The following PHF21B variants were observed in gnomAD, a reference collection of about 807,000 sequenced individuals.
The protein encoded by PHF21B is PHD finger protein 4.
In PHF21B, 22 loss-of-function variants were observed where a neutral mutation model predicts 62.2. The ratio of observed to expected loss-of-function variants is 0.35; its 90% CI spans 0.25 to 0.51. The LOEUF is 0.51. PHF21B is among the 20% of genes least tolerant of loss of function. The pLI is 0.97. For missense variants in PHF21B, 701 were observed against 707.9 expected, an observed-to-expected ratio of 0.99 and a Z score of 0.11; for synonymous variants, 341 against 314.7, an observed-to-expected ratio of 1.08 and a Z score of -0.88.
intron 5 of PHF21B, among the ~76,000 whole-genome samples, chr22:44,909,632 T>C (rs2071310951): frequency 6.6e-6 from 1 of 152,236 alleles, no homozygotes; most frequent in Non-Finnish European, 1.5e-5. Flanking sequence ...ATTCAGGCCC[T>C]CCAGGACCAG....
chr22:44,963,156 C>G (rs2072458368), intron 2 of PHF21B, among the ~76,000 whole-genome samples: 1 of 152,232 alleles, frequency 6.6e-6, no homozygotes, highest in Non-Finnish European at 1.5e-5. Flanking sequence ...GACATGGACT[C>G]CCTGCTCTCC....
At chr22:44,978,884 ACT>A (rs1375851801) in intron 2 of PHF21B, among the ~76,000 whole-genome samples, 2 of 152,042 alleles carry the variant, frequency 1.3e-5, no homozygotes, top group African/African-American at 2.4e-5. Context: ...TGCTGTGTAG[ACT>A]CTGCGTGCAG....
rs576705189 is a variant in PHF21B at position 44,993,625 on chromosome 22, G to A, written c.120+14920C>T. ...TCCCCATCACAGGCTTGGAGACAGC[G>A]GCCTTCATTTTAGCCACTTCACAGA... is the stretch of plus-strand genomic sequence containing the variant. On this transcript the variant is annotated intron_variant, in intron 2 of 12. Coordinates refer to ENST00000313237, the MANE Select transcript of PHF21B (RefSeq NM_138415.5). Among the ~76,000 whole-genome samples the A allele has an allele frequency of 3.3e-5, 5 of 152,326 alleles. No individual in the cohort carries two copies. In the East Asian group the frequency reaches 7.7e-4, roughly 24 times the overall value.
At chr22:44,948,939 G>A (rs1029866205) in intron 2 of PHF21B, among the ~76,000 whole-genome samples, 40 of 152,352 alleles carry the variant, frequency 2.6e-4, no homozygotes, top group African/African-American at 8.9e-4. Context: ...CCACAAATGG[G>A]TCACAGATCC....
intron 1 of PHF21B, 75 bp from the exon 2 acceptor site, chr22:45,008,685 A>AC (rs905360543): frequency 3.2e-5 from 37 of 1,155,916 alleles, no homozygotes; most frequent in Admixed American, 2.9e-4. Flanking sequence ...GGGCCGCGGC[A>AC]CCCCCCGCCC....
In PHF21B at chr22:44,981,446, C is replaced by A. The variant is rs575575483; in HGVS notation, c.120+27099G>T. 2.2e-3 allele frequency among the ~76,000 whole-genome samples: 339 copies of A among 152,300 alleles called. 4 individuals carry two copies. The highest frequency in any genetic ancestry group is 8.0e-3 in the African/African-American group (331 of 41,560). ...TGGCTATGGTCTTGAAGGTGGGGAC[C>A]CTGTGCTGTCATGAACCCAGCACCT... On this transcript the variant is annotated intron_variant, in intron 2 of 12. Coordinates refer to ENST00000313237, the MANE Select transcript of PHF21B (RefSeq NM_138415.5).
rs114043304 is a variant in PHF21B at position 44,920,488 on chromosome 22, A to G, written c.123T>C (p.Ala41=). Residue 41 remains alanine (A), a splice_region_variant and synonymous_variant, in exon 3 of 13, where the codon GCT becomes GCC. Coordinates refer to ENST00000313237, the MANE Select transcript of PHF21B (RefSeq NM_138415.5). ...CAGGCACTGCAGTGATCGTTCCCAA[A>G]GCCTGAAACATACAGGAGGGCAACG... ...PRIAALSDKQ[A]LGTITAVPVT... 1.8e-5 allele frequency: 29 copies of G among 1,609,362 alleles called. No individual in the cohort carries two copies. Among genetic ancestry groups the G allele is most frequent in the Middle Eastern group, 3.3e-4 (2 of 6,048 alleles).
rs181803303 is a variant in PHF21B, at chr22:44,883,631, G to A, written c.1378-327C>T. On this transcript the variant is annotated intron_variant, in intron 12 of 12. Transcript: ENST00000313237. ...CTGCTGGCCAAACTGCAGCAGCCTCGGAGGCCTTTGGCTTCCCAGTCGCCT... is the reference window on the plus strand; with the variant it reads ...CTGCTGGCCAAACTGCAGCAGCCTCAGAGGCCTTTGGCTTCCCAGTCGCCT... Among the ~76,000 whole-genome samples the A allele has an allele frequency of 1.6e-4, 25 of 152,174 alleles. No individual in the cohort carries two copies. In the East Asian group the frequency reaches 2.7e-3, roughly 17 times the overall value.
chr22:44,967,904 T>C (rs2147439339), intron 2 of PHF21B, among the ~76,000 whole-genome samples: 1 of 152,298 alleles, frequency 6.6e-6, no homozygotes, highest in Admixed American at 6.5e-5. Flanking sequence ...AATGTCCTCT[T>C]AGTGGGATGT....
intron 2 of PHF21B, among the ~76,000 whole-genome samples, chr22:44,954,511 G>A (rs1237448302): frequency 6.6e-6 from 1 of 152,238 alleles, no homozygotes; most frequent in Non-Finnish European, 1.5e-5. Context: ...AGCTGGACCC[G>A]GCACTAGCCG....
At chr22:44,885,294 C>T (rs2070836258) in intron 12 of PHF21B, 132 bp downstream of exon 12, 1 of 800,578 alleles carries the variant, frequency 1.2e-6, no homozygotes, top group Admixed American at 2.9e-5. Flanking sequence ...CCACCAGGCC[C>T]TGGCTCCTTC....
At chr22:44,943,230 C>T (rs961500) in intron 2 of PHF21B, among the ~76,000 whole-genome samples, 17,783 of 152,116 alleles carry the variant, frequency 0.12, 1,751 homozygotes, top group East Asian at 0.35. Flanking sequence ...TCCCTGAGCC[C>T]GTCCCCAGGA....
At chr22:44,980,808 C>T (rs1352886837) in intron 2 of PHF21B, among the ~76,000 whole-genome samples, 1 of 152,188 alleles carries the variant, frequency 6.6e-6, no homozygotes, top group African/African-American at 2.4e-5. Context: ...AGCCCCTTCA[C>T]AAGGGTAACA....
Position 44,887,993 on chromosome 22 carries a change from G to A in PHF21B, c.1167C>T (p.Gly389=), listed in dbSNP as rs773819642. ...LEPPLKTAPK[G]VWVCPRCQQK... is the part of the protein sequence containing the mutation. Reference sequence around the variant, plus strand: ...GCTGGCACCTGGGGCACACCCACACGCCCTTGGGCGCCGTCTTGAGGGGCG... The same window carrying A: ...GCTGGCACCTGGGGCACACCCACACACCCTTGGGCGCCGTCTTGAGGGGCG... The change falls in exon 10 of 13, where the codon GGC becomes GGT. Residue 389 remains glycine, a synonymous_variant. Transcript: ENST00000313237. The A allele has an allele frequency of 1.0e-5, 16 of 1,563,160 alleles. No individual in the cohort carries two copies. The highest frequency in any genetic ancestry group is 2.0e-4 in the Middle Eastern group (1 of 4,914).
intron 5 of PHF21B, among the ~76,000 whole-genome samples, chr22:44,907,478 G>T (rs755847012): frequency 6.6e-6 from 1 of 152,196 alleles, no homozygotes; most frequent in Non-Finnish European, 1.5e-5. Context: ...TGCGGAGTGG[G>T]GCGTGGGATG....
chr22:44,955,698 C>T (rs2072282085), intron 2 of PHF21B, among the ~76,000 whole-genome samples: 1 of 152,186 alleles, frequency 6.6e-6, no homozygotes, highest in Admixed American at 6.5e-5. Flanking sequence ...TAGATTTGGA[C>T]TGAATGACAG....
At chr22:45,002,930 C>G (rs146090868) in intron 2 of PHF21B, 1 of 152,278 alleles carries the variant, frequency 6.6e-6, no homozygotes, top group African/African-American at 2.4e-5. Context: ...CGCGCCCATC[C>G]GCTCCCCAGG....
chr22:44,976,386 A>G (rs1169835719), intron 2 of PHF21B, among the ~76,000 whole-genome samples: 1 of 152,154 alleles, frequency 6.6e-6, no homozygotes, highest in Non-Finnish European at 1.5e-5. Flanking sequence ...CACAACAGTC[A>G]CCCTGCTGTG....
chr22:44,971,590 G>A (rs1048773095), intron 2 of PHF21B: 1 of 152,502 alleles, frequency 6.6e-6, no homozygotes, highest in Admixed American at 6.5e-5. Flanking sequence ...TCCACTCCAG[G>A]GCTTCCAGTG....
Sources: gnomAD v4.1 joint callset for allele counts (sites outside exome capture counted in the v4.1 genomes callset) on GRCh38, gnomAD v4.1.1 for gene constraint, MANE v1.5 for transcripts, NCBI Gene and HGNC (gene_info 2026-07-23, HGNC 2026-07-21) for gene names.